Variants in GPR39 observed in about 807,000 individuals in gnomAD.
GPR39 encodes zinc sensing receptor.
Under a neutral mutation model 18.4 loss-of-function variants are expected in GPR39, and 23 were observed. The ratio of observed to expected loss-of-function variants is 1.25; its 90% CI spans 0.90 to 1.77. The LOEUF is 1.77. GPR39 is among the 40% of genes most tolerant of loss of function. GPR39 has a pLI of 0.00. For missense variants in GPR39, 647 were observed against 602.4 expected (o/e 1.07, Z -0.78); for synonymous variants, 280 against 257.9 (o/e 1.09, Z -0.82).
Position 132,581,681 on chromosome 2 carries a change from G to A in GPR39, c.857-63420G>A, listed in dbSNP as rs1247197396. 1.7e-4 allele frequency among the ~76,000 whole-genome samples: 26 copies of A among 152,266 alleles called. No individual in the cohort carries two copies. The East Asian group carries it at 5.0e-3, about 29-fold the overall frequency. On this transcript the variant is annotated intron_variant, in intron 1 of 1. Coordinates refer to ENST00000329321, the MANE Select transcript of GPR39 (RefSeq NM_001508.3). ...GGCCCTTAGTTTCACAGGCAAGATA[G>A]ACTGACTCTTAGACAAATTGGAGGG...
chr2:132,644,598 T>C (rs1681952055), intron 1 of GPR39, among the ~76,000 whole-genome samples: 1 of 152,260 alleles, frequency 6.6e-6, no homozygotes, highest in African/African-American at 2.4e-5. Flanking sequence ...TGTCATTAAA[T>C]ATGCTGCTTT....
chr2:132,498,190 C>T (rs1041234913), intron 1 of GPR39, among the ~76,000 whole-genome samples: 4 of 151,960 alleles, frequency 2.6e-5, no homozygotes, highest in Non-Finnish European at 4.4e-5. Context: ...CACTCATCAC[C>T]CAACCAGTGT....
At chr2:132,635,769 G>T (rs1248570415) in intron 1 of GPR39, among the ~76,000 whole-genome samples, 1 of 152,144 alleles carries the variant, frequency 6.6e-6, no homozygotes, top group East Asian at 1.9e-4. Context: ...TGGGGATCGG[G>T]CTTTTAGGAG....
At chr2:132,453,705 C>G (rs1680669296) in intron 1 of GPR39, among the ~76,000 whole-genome samples, 1 of 152,202 alleles carries the variant, frequency 6.6e-6, no homozygotes, top group Non-Finnish European at 1.5e-5. Context: ...TATGGCTAGT[C>G]AGTTTTCCCA....
chr2:132,572,537 T>TAA (rs34493979), intron 1 of GPR39, among the ~76,000 whole-genome samples: 56 of 133,006 alleles, frequency 4.2e-4, no homozygotes, highest in East Asian at 2.2e-3. Flanking sequence ...TAGAAGAGAT[T>TAA]AAAAAAAAAA....
chr2:132,581,163 G>T (rs984327775), intron 1 of GPR39, among the ~76,000 whole-genome samples: 1 of 151,670 alleles, frequency 6.6e-6, no homozygotes, highest in African/African-American at 2.4e-5. Context: ...TATCTTAGTT[G>T]TCCAGTGACT....
At chr2:132,486,258 T>C (rs1681336251) in intron 1 of GPR39, among the ~76,000 whole-genome samples, 1 of 152,202 alleles carries the variant, frequency 6.6e-6, no homozygotes, top group South Asian at 2.1e-4. Context: ...ACAGACAAAG[T>C]AGATTTGGCA....
intron 1 of GPR39, among the ~76,000 whole-genome samples, chr2:132,493,255 C>CAT (rs1241078200): frequency 7.1e-6 from 1 of 140,650 alleles, no homozygotes; most frequent in Non-Finnish European, 1.5e-5. Context: ...ATATATACAC[C>CAT]ATATATATAC....
At chr2:132,542,947 T>TA in intron 1 of GPR39, among the ~76,000 whole-genome samples, 1 of 152,294 alleles carries the variant, frequency 6.6e-6, no homozygotes, top group Non-Finnish European at 1.5e-5. Context: ...GTCCCATTCT[T>TA]ACAAAGATGC....
At chr2:132,615,863 C>T (rs550798709) in intron 1 of GPR39, among the ~76,000 whole-genome samples, 1 of 151,878 alleles carries the variant, frequency 6.6e-6, no homozygotes, top group African/African-American at 2.4e-5. Context: ...CCTGCACTTG[C>T]CTGACACAGG....
intron 1 of GPR39, among the ~76,000 whole-genome samples, chr2:132,461,017 TTGGAGATAGGGAACTGGGATGTATGAG>T (rs1680821482): frequency 6.6e-6 from 1 of 152,056 alleles, no homozygotes; most frequent in Non-Finnish European, 1.5e-5. Flanking sequence ...TGTGCTGGGT[TTGGAGATAGGGAACTGGGATGTATGAG>T]TAACTTGGAG....
chr2:132,505,986 T>C (rs1361202527), intron 1 of GPR39, among the ~76,000 whole-genome samples: 1 of 152,238 alleles, frequency 6.6e-6, no homozygotes, highest in Non-Finnish European at 1.5e-5. Flanking sequence ...TACTGTATTC[T>C]ACAATGGTTG....
At chr2:132,613,432 C>T (rs1681269799) in intron 1 of GPR39, among the ~76,000 whole-genome samples, 1 of 152,226 alleles carries the variant, frequency 6.6e-6, no homozygotes, top group African/African-American at 2.4e-5. Context: ...AGATTAAACA[C>T]CTCCTTCAGG....
intron 1 of GPR39, among the ~76,000 whole-genome samples, chr2:132,489,970 G>C (rs1274753014): frequency 6.6e-6 from 1 of 151,856 alleles, no homozygotes; most frequent in African/African-American, 2.4e-5. Context: ...CCCAGAGAGA[G>C]TTTATGGTGA....
intron 1 of GPR39, among the ~76,000 whole-genome samples, chr2:132,437,537 G>C (rs922135698): frequency 6.6e-6 from 1 of 152,142 alleles, no homozygotes; most frequent in Non-Finnish European, 1.5e-5. Flanking sequence ...TGTCATGTCT[G>C]GGCCTGTGGG....
At chr2:132,493,984 G>C (rs1365870715) in intron 1 of GPR39, among the ~76,000 whole-genome samples, 1 of 152,148 alleles carries the variant, frequency 6.6e-6, no homozygotes, top group Admixed American at 6.5e-5. Flanking sequence ...AGTATTTCCA[G>C]TGGTGATATG....
Position 132,591,485 on chromosome 2 carries a change from G to A in GPR39, c.857-53616G>A, listed in dbSNP as rs190578410. Among the ~76,000 whole-genome samples the A allele has an allele frequency of 2.0e-5, 3 of 152,216 alleles. No individual in the cohort carries two copies. In the East Asian group the frequency reaches 5.8e-4, roughly 30 times the overall value. ...GTCAGCTTCCCTACTTTTGAGGTTT[G>A]GGGACTTGGACTGGCTTCCTTGCTC... On this transcript the variant is annotated intron_variant, in intron 1 of 1. Coordinates refer to ENST00000329321, the MANE Select transcript of GPR39 (RefSeq NM_001508.3).
At chr2:132,514,119 G>A (rs1240414843) in intron 1 of GPR39, among the ~76,000 whole-genome samples, 2 of 152,096 alleles carry the variant, frequency 1.3e-5, no homozygotes, top group African/African-American at 4.8e-5. Flanking sequence ...CACTTTTCCA[G>A]TAAAGAAAGG....
chr2:132,566,225 T>C (rs1680347678), intron 1 of GPR39, among the ~76,000 whole-genome samples: 1 of 148,478 alleles, frequency 6.7e-6, no homozygotes, highest in Admixed American at 6.8e-5. Context: ...GTTCATGTCC[T>C]TCACCCACTT....
Sources: gnomAD v4.1 joint callset for allele counts (sites outside exome capture counted in the v4.1 genomes callset) on GRCh38, gnomAD v4.1.1 for gene constraint, MANE v1.5 for transcripts, NCBI Gene and HGNC (gene_info 2026-07-23, HGNC 2026-07-21) for gene names.